The following DCUN1D4 variants were observed in gnomAD, a reference collection of about 807,000 sequenced individuals.
DCUN1D4 encodes the protein defective in cullin neddylation 1 domain containing 4.
A neutral mutation model predicts 47.9 loss-of-function variants in DCUN1D4; 22 were observed. The observed-to-expected ratio is 0.46, with a 90% CI of 0.33 to 0.66. The LOEUF (loss-of-function observed/expected upper bound fraction) is 0.66. Ranked by LOEUF, DCUN1D4 falls within the 30% of genes least tolerant of loss-of-function variation. The pLI is 0.02. For missense variants in DCUN1D4, 301 were observed against 340.8 expected (o/e 0.88, Z 0.92); for synonymous variants, 121 against 112.2 (o/e 1.08, Z -0.50).
intron 1 of DCUN1D4, among the ~76,000 whole-genome samples, chr4:51,857,565 G>A (rs1300949491): frequency 3.3e-5 from 5 of 152,222 alleles, no homozygotes; most frequent in Admixed American, 2.6e-4. Context: ...ACAGCTTGAT[G>A]TGGGGATTAT....
chr4:51,868,765 AAG>A (rs1726374569), intron 3 of DCUN1D4, among the ~76,000 whole-genome samples: 3 of 152,138 alleles, frequency 2.0e-5, no homozygotes, highest in African/African-American at 4.8e-5. Context: ...CAAAAGGAAA[AAG>A]AGAGAATGAA....
In DCUN1D4 at chr4:51,913,642, C is replaced by T; in HGVS notation, c.*58C>T. 1 of 1,496,016 alleles carries T rather than the reference C, an allele frequency of 6.7e-7. No individual in the cohort carries two copies. The highest frequency in any genetic ancestry group is 1.4e-5 in the African/African-American group (1 of 72,544). 92.7% of individuals were successfully genotyped at this position (1,496,016 alleles called of 1,614,324 possible). A position where few individuals can be genotyped will look rare whatever the true frequency, so the allele number is the denominator to read the frequency against. ...TACCACAGTTTTGTCACCCATTAGCCATAAATTGCTGTTTGTATCAAAGCG... is the reference window on the plus strand; with the variant it reads ...TACCACAGTTTTGTCACCCATTAGCTATAAATTGCTGTTTGTATCAAAGCG... On this transcript the variant is annotated 3_prime_UTR_variant, in exon 11 of 11. Transcript: ENST00000334635.
intron 1 of DCUN1D4, among the ~76,000 whole-genome samples, chr4:51,844,040 G>T (rs575895885): frequency 1.0e-4 from 15 of 150,410 alleles, no homozygotes; most frequent in Admixed American, 9.9e-4. Flanking sequence ...AGGTGTGGAA[G>T]GGTAGGGCGA....
At chr4:51,869,128 A>C (rs1726447383) in intron 3 of DCUN1D4, among the ~76,000 whole-genome samples, 1 of 146,804 alleles carries the variant, frequency 6.8e-6, no homozygotes, top group Non-Finnish European at 1.5e-5. Flanking sequence ...CATCTCAAAA[A>C]AAAAAAAAAA....
upstream of DCUN1D4, among the ~76,000 whole-genome samples, chr4:51,839,053 C>A (rs111416218): frequency 1.3e-5 from 2 of 150,474 alleles, no homozygotes; most frequent in Non-Finnish European, 1.5e-5. Flanking sequence ...CCAGCCTGGG[C>A]GACAGAGTGA....
intron 1 of DCUN1D4, 62 bp downstream of exon 1, chr4:51,843,329 C>T (rs1473671667): frequency 4.2e-5 from 62 of 1,481,572 alleles, no homozygotes; most frequent in Middle Eastern, 2.1e-4. Context: ...CGCCACTCGG[C>T]TCCCGCAGTC....
intron 7 of DCUN1D4, 148 bp from the exon 8 acceptor site, chr4:51,899,122 T>G (rs1731720616): frequency 1.5e-6 from 2 of 1,338,540 alleles, no homozygotes; most frequent in Non-Finnish European, 1.9e-6. Context: ...TTTAAAATTT[T>G]TTTTAAGTGT....
rs150604690 is a variant in DCUN1D4, at chr4:51,863,852, A to G, written c.136+143A>G. ...TGGCTGAGGTTGTTTTTCAGGGAGT[A>G]ATGAAGGCAGCCATGTTATAGCTTC... On this transcript the variant is annotated intron_variant, in intron 3 of 10. Transcript: ENST00000334635. 1.4e-4 allele frequency: 114 copies of G among 840,124 alleles called. No homozygotes were observed. The African/African-American group carries it at 1.9e-3, about 14-fold the overall frequency. The allele number at this position is 840,124 out of a possible 1,614,324, so 52.0% of individuals were successfully genotyped here.
At chr4:51,879,791 C>T (rs1728293172) in intron 5 of DCUN1D4, among the ~76,000 whole-genome samples, 2 of 152,194 alleles carry the variant, frequency 1.3e-5, no homozygotes, top group Non-Finnish European at 2.9e-5. Context: ...TACACTTAAT[C>T]CCATCACCAT....
chr4:51,913,741 C>T lies in DCUN1D4; in HGVS notation c.*157C>T. ...TTTGCTATTGAATTGGCCAGCTCTGCTTGCTGTGTGGCATTGTTCTCTTGG... is the reference window on the plus strand; with the variant it reads ...TTTGCTATTGAATTGGCCAGCTCTGTTTGCTGTGTGGCATTGTTCTCTTGG... On this transcript the variant is annotated 3_prime_UTR_variant, in exon 11 of 11. Coordinates refer to ENST00000334635, the MANE Select transcript of DCUN1D4 (RefSeq NM_001040402.3). 1.6e-6 allele frequency: 1 copy of T among 640,268 alleles called. No individual in the cohort carries two copies. The allele number at this position is 640,268 out of a possible 1,614,324, so 39.7% of individuals were successfully genotyped here. A position where few individuals can be genotyped will look rare whatever the true frequency, so the allele number is the denominator to read the frequency against.
intron 5 of DCUN1D4, among the ~76,000 whole-genome samples, chr4:51,881,009 T>A (rs1418806608): frequency 2.0e-5 from 3 of 151,966 alleles, no homozygotes; most frequent in African/African-American, 7.3e-5. Flanking sequence ...GCGCCTGAGG[T>A]GCCAGCTACT....
At chr4:51,844,936 G>T in intron 1 of DCUN1D4, 1 of 985,528 alleles carries the variant, frequency 1.0e-6, no homozygotes, top group African/African-American at 1.7e-5. Context: ...TCGGGAGGCG[G>T]TTGAGTTCCC....
intron 3 of DCUN1D4, among the ~76,000 whole-genome samples, chr4:51,866,575 C>CT (rs1725962381): frequency 6.6e-6 from 1 of 152,102 alleles, no homozygotes; most frequent in East Asian, 1.9e-4. Flanking sequence ...CTTCAGCCTC[C>CT]TGTTGATTTA....
intron 1 of DCUN1D4, chr4:51,843,765 G>A: frequency 9.9e-7 from 1 of 1,012,370 alleles, no homozygotes; most frequent in African/African-American, 2.0e-5. Flanking sequence ...GGGGCGCGGG[G>A]GCGGGGACAA....
At chr4:51,834,114 C>CTTTTTTTTTTTTTTTTTTTTTT in the DCUN1D4 span, among the ~76,000 whole-genome samples, 4 of 37,204 alleles carry the variant, frequency 1.1e-4, no homozygotes, top group African/African-American at 3.2e-4. Flanking sequence ...TTTTTTTTTT[C>CTTTTTTTTTTTTTTTTTTTTTT]TTTTTTTTTT....
At chr4:51,888,853 T>A (rs985552509) in intron 6 of DCUN1D4, among the ~76,000 whole-genome samples, 1 of 152,184 alleles carries the variant, frequency 6.6e-6, no homozygotes, top group Admixed American at 6.5e-5. Context: ...ACGCCTGTAA[T>A]CCCAGTACTT....
chr4:51,876,334 G>A (rs1208674301), intron 4 of DCUN1D4, among the ~76,000 whole-genome samples: 3 of 151,424 alleles, frequency 2.0e-5, no homozygotes, highest in South Asian at 2.1e-4. Flanking sequence ...ACCAAACACC[G>A]CATGTTCTCA....
At chr4:51,897,004 G>C (rs770248788) in intron 7 of DCUN1D4, among the ~76,000 whole-genome samples, 8 of 152,142 alleles carry the variant, frequency 5.3e-5, no homozygotes, top group Non-Finnish European at 7.3e-5. Context: ...TTTTAAGTCT[G>C]TTGGACTTAC....
chr4:51,910,019 C>A (rs1323247236), intron 8 of DCUN1D4, among the ~76,000 whole-genome samples: 1 of 152,170 alleles, frequency 6.6e-6, no homozygotes, highest in African/African-American at 2.4e-5. Flanking sequence ...GTATATATGG[C>A]TGCATATGTG....
Sources: gnomAD v4.1 joint callset for allele counts (sites outside exome capture counted in the v4.1 genomes callset) on GRCh38, gnomAD v4.1.1 for gene constraint, MANE v1.5 for transcripts, NCBI Gene and HGNC (gene_info 2026-07-23, HGNC 2026-07-21) for gene names.